Variants in REEP2 observed in about 807,000 individuals in gnomAD.
REEP2 encodes receptor accessory protein 2, also known as receptor expression-enhancing protein 2.
Under a neutral mutation model 32.1 loss-of-function variants are expected in REEP2, and 9 were observed. That is an observed-to-expected ratio of 0.28 (90% CI 0.17 to 0.49). The LOEUF (loss-of-function observed/expected upper bound fraction) is 0.49, where lower values mean the gene tolerates loss of function less well. Among genes scored for constraint, REEP2 ranks in the 20% least tolerant of loss-of-function variants. The pLI, the probability that REEP2 is intolerant of heterozygous loss-of-function variation, is 0.99. For missense variants in REEP2, 236 were observed against 338.0 expected, an observed-to-expected ratio of 0.70 and a Z score of 2.37; for synonymous variants, 128 against 139.1, an observed-to-expected ratio of 0.92 and a Z score of 0.56.
intron 3 of REEP2, among the ~76,000 whole-genome samples, chr5:138,442,324 G>A (rs1294415918): frequency 6.6e-6 from 1 of 152,184 alleles, no homozygotes; most frequent in African/African-American, 2.4e-5. Flanking sequence ...TTACCAAGGG[G>A]GAGAGGACAA....
In REEP2 at chr5:138,445,536, G is replaced by T; in HGVS notation, c.634G>T (p.Asp212Tyr). Residue 212 changes from aspartate (D) to tyrosine (Y), a missense_variant, in exon 7 of 8, where the codon GAT (aspartate) becomes TAT (tyrosine). Coordinates refer to ENST00000378339, the MANE Select transcript of REEP2 (RefSeq NM_001271803.2). Reference protein sequence around the residue: ...PADSRTEASEDDMGDKAPKRA... With the variant: ...PADSRTEASEYDMGDKAPKRA... ...AGATTCCCGGACAGAGGCTTCTGAG[G>T]ATGACATGGGAGACAAAGCTCCCAA... The T allele has an allele frequency of 6.2e-7, 1 of 1,614,218 alleles. No homozygotes were observed. The highest frequency in any genetic ancestry group is 8.5e-7 in the Non-Finnish European group (1 of 1,180,032).
At chr5:138,439,895 G>A (rs1182149742) in intron 1 of REEP2, 1 of 387,276 alleles carries the variant, frequency 2.6e-6, no homozygotes, top group Non-Finnish European at 5.2e-6. Flanking sequence ...GACGCTCCGT[G>A]GCCTTCATTC....
intron 1 of REEP2, chr5:138,439,580 C>G: frequency 2.0e-6 from 1 of 504,086 alleles, no homozygotes; most frequent in East Asian, 5.1e-5. Flanking sequence ...CCTAGCAGGT[C>G]TGGGCTGGAG....
chr5:138,442,439 G>A (rs578146982), intron 3 of REEP2, among the ~76,000 whole-genome samples: 76 of 152,212 alleles, frequency 5.0e-4, no homozygotes, highest in African/African-American at 1.8e-3. Context: ...AAGGCCGGGT[G>A]TGGTGGCTCA....
intron 4 of REEP2, 100 bp downstream of exon 4, chr5:138,444,635 G>A (rs1763889301): frequency 1.9e-6 from 3 of 1,571,710 alleles, no homozygotes; most frequent in Admixed American, 3.5e-5. Flanking sequence ...GGGGCCCAGA[G>A]CCCAAAGTGA....
At position 138,439,247 on chromosome 5, in the gene REEP2, G is replaced by C; in HGVS notation, c.32+7G>C. 7.1e-7 allele frequency: 1 copy of C among 1,398,652 alleles called. No homozygotes were observed. Among genetic ancestry groups the C allele is most frequent in the Non-Finnish European group, 9.3e-7 (1 of 1,074,516 alleles). 86.6% of individuals were successfully genotyped at this position (1,398,652 alleles called of 1,614,324 possible). A position where few individuals can be genotyped will look rare whatever the true frequency, so the allele number is the denominator to read the frequency against. On this transcript the variant is annotated splice_region_variant and intron_variant, in intron 1 of 7. Coordinates refer to ENST00000378339, the MANE Select transcript of REEP2 (RefSeq NM_001271803.2). Reference sequence around the variant, plus strand: ...TCATCTCTCGCCTGGTGGTGTGAGTGCGGCGGCGGCGGGGGGTGATGCGGG... The same window carrying C: ...TCATCTCTCGCCTGGTGGTGTGAGTCCGGCGGCGGCGGGGGGTGATGCGGG...
intron 3 of REEP2, among the ~76,000 whole-genome samples, chr5:138,444,035 G>A (rs1281972239): frequency 2.0e-5 from 3 of 152,204 alleles, no homozygotes; most frequent in Admixed American, 6.5e-5. Flanking sequence ...CGATGATAGG[G>A]AGGGCAGAAA....
chr5:138,441,055 C>T lies in REEP2; in HGVS notation c.72C>T (p.Tyr24=), dbSNP rs1046321406. Residue 24 remains tyrosine, a synonymous_variant, in exon 2 of 8, where the codon TAC becomes TAT. Transcript: ENST00000378339. This position sits in a 1 kb window ranked among gnomAD's most constrained non-coding sequence, Gnocchi z 4.4. The part of the protein sequence containing the change: ...FGTLYPAYSS[Y]KAVKTKNVKE... ...CCCTGTACCCAGCCTATTCTTCCTACAAGGCCGTGAAGACAAAAAACGTGA... is the reference window on the plus strand; with the variant it reads ...CCCTGTACCCAGCCTATTCTTCCTATAAGGCCGTGAAGACAAAAAACGTGA... The T allele has an allele frequency of 1.9e-6, 3 of 1,613,692 alleles. No individual in the cohort carries two copies. The African/African-American group carries it at 4.0e-5, about 22-fold the overall frequency.
intron 1 of REEP2, among the ~76,000 whole-genome samples, chr5:138,440,298 G>C (rs1377793773): frequency 6.6e-6 from 1 of 152,248 alleles, no homozygotes; most frequent in Non-Finnish European, 1.5e-5. Flanking sequence ...CCATCCCAGG[G>C]GGAATGGAGG....
chr5:138,440,375 C>T (rs1280439576), intron 1 of REEP2, among the ~76,000 whole-genome samples: 1 of 152,254 alleles, frequency 6.6e-6, no homozygotes, highest in East Asian at 1.9e-4. Context: ...CCCCAAAGGG[C>T]ATCGGTCCTC....
chr5:138,445,281 C>T lies in REEP2; in HGVS notation c.471C>T (p.Thr157=). 6.2e-7 allele frequency: 1 copy of T among 1,613,558 alleles called. No homozygotes were observed. The highest frequency in any genetic ancestry group is 8.5e-7 in the Non-Finnish European group (1 of 1,179,938). The change falls in exon 6 of 8, where the codon ACC becomes ACT. Residue 157 remains threonine (T), a synonymous_variant. Coordinates refer to ENST00000378339, the MANE Select transcript of REEP2 (RefSeq NM_001271803.2). The stretch of plus-strand genomic sequence containing the variant: ...GCAGCTTCAGCATGCAGGACCTGAC[C>T]CTGATCCGGGACGAGGACGCACTGC... ...KLRSFSMQDL[T]LIRDEDALPL... is the part of the protein sequence containing the mutation.
At chr5:138,442,878 T>A (rs1256258454) in intron 3 of REEP2, among the ~76,000 whole-genome samples, 1 of 131,350 alleles carries the variant, frequency 7.6e-6, no homozygotes, top group African/African-American at 2.9e-5. Context: ...AAAAAAAAAA[T>A]AGCTAGGTAT....
Position 138,445,918 on chromosome 5 carries a change from T to C in REEP2, c.*167T>C. 1.5e-6 allele frequency: 1 copy of C among 681,330 alleles called. No individual in the cohort carries two copies. The highest frequency in any genetic ancestry group is 2.5e-6 in the Non-Finnish European group (1 of 402,506). The allele number at this position is 681,330 out of a possible 1,614,324, so 42.2% of individuals were successfully genotyped here. On this transcript the variant is annotated 3_prime_UTR_variant, in exon 8 of 8. Transcript: ENST00000378339. ...AGTGGCCACTCTTCTGGAAGGGGCT[T>C]GGAAAAGAGGAAGGAGGCCCAGCTG...
intron 1 of REEP2, among the ~76,000 whole-genome samples, chr5:138,440,356 C>A (rs1763800751): frequency 6.6e-6 from 1 of 152,272 alleles, no homozygotes; most frequent in Admixed American, 6.5e-5. Flanking sequence ...TCTCTCTTGC[C>A]TGGGCAAGCC....
At chr5:138,440,040 T>C (rs1763793006) in intron 1 of REEP2, among the ~76,000 whole-genome samples, 1 of 152,182 alleles carries the variant, frequency 6.6e-6, no homozygotes. Flanking sequence ...ACCAGCCGGT[T>C]TGGAAGTATC....
Position 138,441,781 on chromosome 5 carries a change from T to C in REEP2, c.182+320T>C, listed in dbSNP as rs1763831003. 6.6e-6 allele frequency among the ~76,000 whole-genome samples: 1 copy of C among 150,784 alleles called. No individual in the cohort carries two copies. Among genetic ancestry groups the C allele is most frequent in the African/African-American group, 2.4e-5 (1 of 41,104 alleles). ...CTCCACTAAAAATACAAAAAAAAAA[T>C]AGCTGGGCATGGTGGCGCCCCTGTA... On this transcript the variant is annotated intron_variant, in intron 3 of 7. Coordinates refer to ENST00000378339, the MANE Select transcript of REEP2 (RefSeq NM_001271803.2). This position sits in a 1 kb window ranked among gnomAD's most constrained non-coding sequence, Gnocchi z 4.4.
chr5:138,442,124 G>T (rs895594266), intron 3 of REEP2, among the ~76,000 whole-genome samples: 1 of 152,158 alleles, frequency 6.6e-6, no homozygotes, highest in African/African-American at 2.4e-5. Context: ...ATAAATGCTG[G>T]ATACTTGCAT....
chr5:138,439,934 G>C (rs2127020853), intron 1 of REEP2: 1 of 366,598 alleles, frequency 2.7e-6, no homozygotes, highest in East Asian at 7.4e-5. Flanking sequence ...GTGGAGCTGT[G>C]TCTCTGGCAC....
chr5:138,441,079 G>C lies in REEP2; in HGVS notation c.96G>C (p.Val32=). 6.2e-7 allele frequency: 1 copy of C among 1,613,864 alleles called. No homozygotes were observed. Among genetic ancestry groups the C allele is most frequent in the Non-Finnish European group, 8.5e-7 (1 of 1,180,020 alleles). The change falls in exon 2 of 8, where the codon GTG becomes GTC. Residue 32 remains valine (V), a synonymous_variant. Coordinates refer to ENST00000378339, the MANE Select transcript of REEP2 (RefSeq NM_001271803.2). This position sits in a 1 kb window ranked among gnomAD's most constrained non-coding sequence, Gnocchi z 4.4. ...ACAAGGCCGTGAAGACAAAAAACGT[G>C]AAGGAATATGTGAGTGGATGACCCT... ...SSYKAVKTKN[V]KEYVKWMMYW...
Sources: allele counts gnomAD v4.1 joint callset (sites outside exome capture counted in the v4.1 genomes callset), GRCh38; gene constraint gnomAD v4.1.1; non-coding constraint Gnocchi (gnomAD v3.1); transcripts MANE v1.5; gene names NCBI Gene and HGNC (gene_info 2026-07-23, HGNC 2026-07-21).